FAF1: variants seen among roughly 807,000 people sequenced by gnomAD.
FAF1 encodes the protein FAS-associated factor 1.
FAF1 carries 25 observed loss-of-function variants against 92.5 expected under a neutral mutation model. The ratio of observed to expected loss-of-function variants is 0.27; its 90% CI spans 0.20 to 0.38. FAF1 has a LOEUF of 0.38. Ranked by LOEUF, FAF1 falls within the 10% of genes least tolerant of loss-of-function variation. FAF1 has a pLI of 1.00. For synonymous variants in FAF1, 234 were observed against 273.2 expected, an observed-to-expected ratio of 0.86 and a Z score of 1.42; for missense variants, 636 against 793.3, an observed-to-expected ratio of 0.80 and a Z score of 2.38.
At chr1:50,913,703 A>G (rs1167643703) in intron 1 of FAF1, among the ~76,000 whole-genome samples, 10 of 152,208 alleles carry the variant, frequency 6.6e-5, no homozygotes, top group Admixed American at 6.5e-4. Context: ...AATGAGAAGG[A>G]AAGAATTTGT....
At chr1:50,881,541 T>G (rs12088617) in intron 1 of FAF1, among the ~76,000 whole-genome samples, 18,367 of 152,144 alleles carry the variant, frequency 0.12, 1,367 homozygotes, top group African/African-American at 0.22. Context: ...GAACATCCAG[T>G]CTACAATGAA....
intron 7 of FAF1, among the ~76,000 whole-genome samples, chr1:50,662,505 T>C (rs79649764): frequency 0.011 from 1,696 of 152,248 alleles, 36 homozygotes; most frequent in African/African-American, 0.039. Context: ...AGACGGATTT[T>C]GGCCATCCTG....
chr1:50,726,786 G>A (rs546754043), intron 6 of FAF1, among the ~76,000 whole-genome samples: 9 of 152,092 alleles, frequency 5.9e-5, no homozygotes, highest in Non-Finnish European at 1.3e-4. Flanking sequence ...CTGAGATCAC[G>A]CCACTGCACT....
chr1:50,780,793 G>T, intron 4 of FAF1: 1 of 375,910 alleles, frequency 2.7e-6, no homozygotes, highest in South Asian at 2.1e-5. Context: ...GTGAGTGATG[G>T]ACTTACGGAG....
At chr1:50,929,664 A>T (rs1181050157) in intron 1 of FAF1, among the ~76,000 whole-genome samples, 1 of 152,242 alleles carries the variant, frequency 6.6e-6, no homozygotes, top group Non-Finnish European at 1.5e-5. Flanking sequence ...ACTGCCAAAA[A>T]TATTCATTGA....
At chr1:50,449,365 C>A (rs970242489) in intron 18 of FAF1, among the ~76,000 whole-genome samples, 1 of 152,044 alleles carries the variant, frequency 6.6e-6, no homozygotes, top group African/African-American at 2.4e-5. Context: ...GCTCTTTGTA[C>A]TCTGAGGCAT....
chr1:50,729,127 C>T (rs1274249339), intron 6 of FAF1, among the ~76,000 whole-genome samples: 3 of 147,620 alleles, frequency 2.0e-5, no homozygotes, highest in Non-Finnish European at 4.5e-5. Context: ...ACAATCTCGG[C>T]TCACTGCACC....
intron 5 of FAF1, among the ~76,000 whole-genome samples, chr1:50,740,506 T>C (rs1226987643): frequency 6.6e-6 from 1 of 152,174 alleles, no homozygotes; most frequent in Non-Finnish European, 1.5e-5. Context: ...ATATTAGTTA[T>C]GTGTTAAATG....
intron 8 of FAF1, among the ~76,000 whole-genome samples, chr1:50,609,890 C>T (rs975470090): frequency 2.0e-5 from 3 of 152,166 alleles, no homozygotes; most frequent in South Asian, 4.2e-4. Flanking sequence ...TGCAAAACCA[C>T]GTTTCACCTG....
intron 1 of FAF1, among the ~76,000 whole-genome samples, chr1:50,884,716 T>G (rs1018038582): frequency 3.3e-5 from 5 of 151,852 alleles, no homozygotes; most frequent in Non-Finnish European, 5.9e-5. Context: ...TGAACTGTAG[T>G]TTTTTTTGGT....
At chr1:50,867,940 A>G (rs1361149788) in intron 1 of FAF1, among the ~76,000 whole-genome samples, 1 of 152,186 alleles carries the variant, frequency 6.6e-6, no homozygotes, top group Non-Finnish European at 1.5e-5. Flanking sequence ...CTTCCCATCA[A>G]TCAATGAGTG....
chr1:50,618,118 C>T (rs1653014140), intron 8 of FAF1, among the ~76,000 whole-genome samples: 1 of 152,030 alleles, frequency 6.6e-6, no homozygotes, highest in African/African-American at 2.4e-5. Context: ...TTGTTTTCAT[C>T]TTTTGTATGG....
intron 3 of FAF1, among the ~76,000 whole-genome samples, chr1:50,790,718 C>A (rs1018756940): frequency 7.2e-5 from 11 of 152,100 alleles, no homozygotes; most frequent in African/African-American, 2.7e-4. Flanking sequence ...AGCTCTAAAA[C>A]ATCTTTCCTC....
Position 50,533,903 on chromosome 1 carries a change from C to CT in FAF1, c.1494+1465dup, listed in dbSNP as rs1233300483. Among the ~76,000 whole-genome samples, 7 of 152,222 alleles carry CT rather than the reference C, an allele frequency of 4.6e-5. No individual in the cohort carries two copies. The East Asian group carries it at 1.3e-3, about 29-fold the overall frequency. On this transcript the variant is annotated intron_variant, in intron 15 of 18. Transcript: ENST00000396153. ...GACTTCTTGAGATAATTATTTATAG[C>CT]TCCTACCAGCTATATGGCCTTGGGC...
chr1:50,604,100 A>G (rs1220631592), intron 8 of FAF1, among the ~76,000 whole-genome samples: 2 of 152,208 alleles, frequency 1.3e-5, no homozygotes, highest in South Asian at 2.1e-4. Flanking sequence ...GATGGCTGCT[A>G]TACATGGCTT....
intron 18 of FAF1, among the ~76,000 whole-genome samples, chr1:50,473,320 T>C (rs1220679694): frequency 6.6e-6 from 1 of 152,204 alleles, no homozygotes; most frequent in African/African-American, 2.4e-5. Context: ...AAAAATTAAT[T>C]TGAAAGAAAA....
chr1:50,931,262 TTTC>T (rs1645045132), intron 1 of FAF1, among the ~76,000 whole-genome samples: 1 of 152,340 alleles, frequency 6.6e-6, no homozygotes, highest in African/African-American at 2.4e-5. Flanking sequence ...TCCAATTGTT[TTTC>T]TTATTGTTAT....
At chr1:50,885,318 A>C (rs1363808137) in intron 1 of FAF1, among the ~76,000 whole-genome samples, 1 of 91,586 alleles carries the variant, frequency 1.1e-5, no homozygotes, top group African/African-American at 5.2e-5. Flanking sequence ...TCTCTCACAC[A>C]CACACACTCT....
intron 15 of FAF1, among the ~76,000 whole-genome samples, chr1:50,524,406 A>AT (rs1208395927): frequency 6.6e-6 from 1 of 152,030 alleles, no homozygotes; most frequent in Non-Finnish European, 1.5e-5. Flanking sequence ...CCATTTGTCA[A>AT]TTTTTGCTTT....
Sources: gnomAD v4.1 joint callset for allele counts (sites outside exome capture counted in the v4.1 genomes callset) on GRCh38, gnomAD v4.1.1 for gene constraint, MANE v1.5 for transcripts, NCBI Gene and HGNC (gene_info 2026-07-23, HGNC 2026-07-21) for gene names.